Variants in NEMP2 observed in about 807,000 individuals in gnomAD.
NEMP2 encodes nuclear envelope integral membrane protein 2, also known as UPF0571 transmembrane protein.
A neutral mutation model predicts 54.2 loss-of-function variants in NEMP2; 53 were observed. That is an observed-to-expected ratio of 0.98 (90% CI 0.78 to 1.23). The LOEUF (loss-of-function observed/expected upper bound fraction) is 1.23. Ranked by LOEUF, NEMP2 falls within the 50% of genes most tolerant of loss-of-function variation. The probability of loss-of-function intolerance (pLI) is 0.00; values close to 1 mark genes in which losing one functional copy is unlikely to be tolerated. For missense variants in NEMP2, 455 were observed against 511.3 expected (o/e 0.89, Z 1.06); for synonymous variants, 197 against 190.3 (o/e 1.04, Z -0.29).
the NEMP2 span, among the ~76,000 whole-genome samples, chr2:190,562,432 C>A: frequency 1.3e-4 from 20 of 152,200 alleles, no homozygotes; most frequent in Non-Finnish European, 2.1e-4. This position sits in a 1 kb window ranked among gnomAD's most constrained non-coding sequence, Gnocchi z 5.0. Flanking sequence ...TCCCTAGCTT[C>A]TTCCTCCAAG....
the NEMP2 span, among the ~76,000 whole-genome samples, chr2:190,461,547 G>C: frequency 6.6e-6 from 1 of 152,204 alleles, no homozygotes; most frequent in Non-Finnish European, 1.5e-5. This position sits in a 1 kb window ranked among gnomAD's most constrained non-coding sequence, Gnocchi z 5.5. Context: ...AGTTCTGGAG[G>C]CTGGGAAGTG....
chr2:190,465,073 C>T, the NEMP2 span: 4 of 238,254 alleles, frequency 1.7e-5, no homozygotes, highest in Non-Finnish European at 2.7e-5. This position sits in a 1 kb window ranked among gnomAD's most constrained non-coding sequence, Gnocchi z 4.6. Context: ...ATAAGATAAC[C>T]ACAAATCAGC....
At chr2:190,637,811 G>A in the NEMP2 span, among the ~76,000 whole-genome samples, 1 of 152,346 alleles carries the variant, frequency 6.6e-6, no homozygotes, top group African/African-American at 2.4e-5. This position sits in a 1 kb window ranked among gnomAD's most constrained non-coding sequence, Gnocchi z 4.5. Flanking sequence ...ATAGGGCAGA[G>A]ATTTAATTTT....
rs1690421382 is a variant in NEMP2, at chr2:190,512,979, T to C, written c.953+1474A>G. 1.3e-5 allele frequency among the ~76,000 whole-genome samples: 2 copies of C among 152,340 alleles called. No individual in the cohort carries two copies. The highest frequency in any genetic ancestry group is 6.8e-3 in the Middle Eastern group (2 of 294). ...TAGTGTCCTTCCTCACAGCCAATTT[T>C]ACCTCTTGAACATTTATTCACTCCC... On this transcript the variant is annotated intron_variant, in intron 7 of 8. Transcript: ENST00000409150. The surrounding 1 kb of genome is among the most constrained non-coding windows in gnomAD (Gnocchi z 4.5).
At chr2:190,558,678 C>T in the NEMP2 span, among the ~76,000 whole-genome samples, 1 of 152,160 alleles carries the variant, frequency 6.6e-6, no homozygotes, top group East Asian at 1.9e-4. The surrounding 1 kb of genome is among the most constrained non-coding windows in gnomAD (Gnocchi z 4.4). Context: ...GAGAAGTAGG[C>T]TGCAGACTCA....
intron 1 of NEMP2, among the ~76,000 whole-genome samples, chr2:190,532,549 ACCTGCTCCT>A (rs1463854784): frequency 6.6e-6 from 1 of 152,192 alleles, no homozygotes; most frequent in Non-Finnish European, 1.5e-5. Flanking sequence ...TCAGACAACT[ACCTGCTCCT>A]CCTGTGTCAA....
At chr2:190,571,029 A>T in the NEMP2 span, among the ~76,000 whole-genome samples, 1 of 152,012 alleles carries the variant, frequency 6.6e-6, no homozygotes, top group East Asian at 1.9e-4. Context: ...GAGGGTAAAA[A>T]CTCAGATTCT....
At chr2:190,437,466 A>C in the NEMP2 span, 1 of 1,614,212 alleles carries the variant, frequency 6.2e-7, no homozygotes, top group East Asian at 2.2e-5. The surrounding 1 kb of genome is among the most constrained non-coding windows in gnomAD (Gnocchi z 5.9). Flanking sequence ...ATGGAACTAC[A>C]ACCCTCTTTG....
At chr2:190,456,514 G>A in the NEMP2 span, among the ~76,000 whole-genome samples, 5 of 152,260 alleles carry the variant, frequency 3.3e-5, no homozygotes, top group East Asian at 1.9e-4. This position sits in a 1 kb window ranked among gnomAD's most constrained non-coding sequence, Gnocchi z 5.4. Context: ...GCCCCACTCC[G>A]GGAACTCCCT....
At chr2:190,446,317 G>C in the NEMP2 span, among the ~76,000 whole-genome samples, 1 of 152,172 alleles carries the variant, frequency 6.6e-6, no homozygotes, top group Non-Finnish European at 1.5e-5. Context: ...TGGACGCAGG[G>C]TGTATCCAAG....
chr2:190,533,873 G>T lies in NEMP2; in HGVS notation c.97+686C>A. The T allele has an allele frequency of 1.5e-6, 1 of 671,028 alleles. No individual in the cohort carries two copies. The highest frequency in any genetic ancestry group is 1.8e-6 in the Non-Finnish European group (1 of 542,432). 41.6% of individuals were successfully genotyped at this position (671,028 alleles called of 1,614,324 possible). A position where few individuals can be genotyped will look rare whatever the true frequency, so the allele number is the denominator to read the frequency against. On this transcript the variant is annotated intron_variant, in intron 1 of 8. Coordinates refer to ENST00000409150, the MANE Select transcript of NEMP2 (RefSeq NM_001142645.2). The surrounding 1 kb of genome is among the most constrained non-coding windows in gnomAD (Gnocchi z 4.3). Reference sequence around the variant, plus strand: ...CTGACTTCCCCAGGTGTCCTTCCCAGATCCTTCCCCAGTGTGCCAGCATCT... The same window carrying T: ...CTGACTTCCCCAGGTGTCCTTCCCATATCCTTCCCCAGTGTGCCAGCATCT...
the NEMP2 span, among the ~76,000 whole-genome samples, chr2:190,425,767 G>T: frequency 2.6e-5 from 4 of 151,930 alleles, no homozygotes; most frequent in Non-Finnish European, 4.4e-5. The surrounding 1 kb of genome is among the most constrained non-coding windows in gnomAD (Gnocchi z 4.3). Context: ...TTTCTTAAGG[G>T]TTCTTGTATC....
chr2:190,555,959 C>A, the NEMP2 span, among the ~76,000 whole-genome samples: 1 of 152,160 alleles, frequency 6.6e-6, no homozygotes, highest in African/African-American at 2.4e-5. The surrounding 1 kb of genome is among the most constrained non-coding windows in gnomAD (Gnocchi z 4.8). Context: ...AAGAGGGAAT[C>A]CTCCCTAACT....
chr2:190,429,395 G>A, the NEMP2 span, among the ~76,000 whole-genome samples: 6 of 150,448 alleles, frequency 4.0e-5, no homozygotes, highest in African/African-American at 1.2e-4. Context: ...GTGCAATCTC[G>A]GCTCACTGCA....
the NEMP2 span, among the ~76,000 whole-genome samples, chr2:190,430,780 G>C: frequency 2.0e-5 from 3 of 151,362 alleles, no homozygotes; most frequent in African/African-American, 7.3e-5. Context: ...CAGAAGGGGC[G>C]GCCGGGCGGG....
In NEMP2 at chr2:190,528,016, G is replaced by A. The variant is rs969703006; in HGVS notation, c.98-2638C>T. Among the ~76,000 whole-genome samples the A allele has an allele frequency of 2.0e-5, 3 of 152,150 alleles. No individual in the cohort carries two copies. Among genetic ancestry groups the A allele is most frequent in the Non-Finnish European group, 4.4e-5 (3 of 68,012 alleles). On this transcript the variant is annotated intron_variant, in intron 1 of 8. Coordinates refer to ENST00000409150, the MANE Select transcript of NEMP2 (RefSeq NM_001142645.2). The surrounding 1 kb of genome is among the most constrained non-coding windows in gnomAD (Gnocchi z 4.3). ...TCTACAGGCTCTCTGTTAAATACAG[G>A]ATACTAAAAATGAAAAACATGCTCC...
the NEMP2 span, among the ~76,000 whole-genome samples, chr2:190,552,043 G>A: frequency 9.9e-5 from 15 of 152,164 alleles, no homozygotes; most frequent in Non-Finnish European, 1.9e-4. Flanking sequence ...GAGAGAAATC[G>A]TAAGATCTAG....
At chr2:190,439,361 G>A in the NEMP2 span, among the ~76,000 whole-genome samples, 1 of 151,730 alleles carries the variant, frequency 6.6e-6, no homozygotes, top group Non-Finnish European at 1.5e-5. The surrounding 1 kb of genome is among the most constrained non-coding windows in gnomAD (Gnocchi z 5.8). Context: ...TTTTTTTCAC[G>A]TTTTATTTGT....
chr2:190,449,920 C>T, the NEMP2 span, among the ~76,000 whole-genome samples: 19 of 151,754 alleles, frequency 1.3e-4, no homozygotes, highest in Non-Finnish European at 2.4e-4. Flanking sequence ...TGCTAAATGA[C>T]GAGTTAATGG....
Sources: allele counts gnomAD v4.1 joint callset (sites outside exome capture counted in the v4.1 genomes callset), GRCh38; gene constraint gnomAD v4.1.1; non-coding constraint Gnocchi (gnomAD v3.1); transcripts MANE v1.5; gene names NCBI Gene and HGNC (gene_info 2026-07-23, HGNC 2026-07-21).